Variants in NRP1 observed in about 807,000 individuals in gnomAD.
The protein encoded by NRP1 is neuropilin-1.
Under a neutral mutation model 106.7 loss-of-function variants are expected in NRP1, and 35 were observed. The ratio of observed to expected loss-of-function variants is 0.33; its 90% CI spans 0.25 to 0.43. The LOEUF is 0.43. Ranked by LOEUF, NRP1 falls within the 20% of genes least tolerant of loss-of-function variation. NRP1 has a pLI of 1.00. For synonymous variants in NRP1, 437 were observed against 417.9 expected (o/e 1.05, Z -0.56); for missense variants, 1,024 against 1,170.4 (o/e 0.87, Z 1.83).
chr10:33,257,366 G>A (rs11594606), intron 4 of NRP1, among the ~76,000 whole-genome samples: 20,199 of 152,190 alleles, frequency 0.13, 1,405 homozygotes, highest in South Asian at 0.16. Flanking sequence ...GCTGAGTGCG[G>A]TGGCTCACTC....
At chr10:33,277,520 G>T (rs1843793331) in intron 2 of NRP1, among the ~76,000 whole-genome samples, 1 of 152,254 alleles carries the variant, frequency 6.6e-6, no homozygotes, top group South Asian at 2.1e-4. Context: ...CAGCCTGAGT[G>T]GCAATGCCCA....
chr10:33,241,131 C>G (rs536954808), intron 6 of NRP1, among the ~76,000 whole-genome samples: 1 of 152,174 alleles, frequency 6.6e-6, no homozygotes, highest in African/African-American at 2.4e-5. Flanking sequence ...CAGCCTAGGG[C>G]AGGAGAAAGG....
chr10:33,268,993 C>A (rs1381995929), intron 3 of NRP1, among the ~76,000 whole-genome samples: 1 of 152,218 alleles, frequency 6.6e-6, no homozygotes, highest in African/African-American at 2.4e-5. Context: ...GGATCCCCAA[C>A]AACTCCCCTT....
intron 11 of NRP1, 138 bp from the exon 12 acceptor site, chr10:33,197,847 G>A: frequency 2.3e-6 from 1 of 442,854 alleles, no homozygotes. Context: ...GATAGCAATT[G>A]TTTCCCTTCA....
chr10:33,188,643 G>A (rs1254580366), intron 13 of NRP1, among the ~76,000 whole-genome samples: 1 of 151,924 alleles, frequency 6.6e-6, no homozygotes, highest in African/African-American at 2.4e-5. Context: ...TTGGGAAGCC[G>A]AGGTGGCTGA....
At chr10:33,248,064 G>T (rs918956649) in intron 6 of NRP1, among the ~76,000 whole-genome samples, 4 of 152,160 alleles carry the variant, frequency 2.6e-5, no homozygotes, top group African/African-American at 9.7e-5. Context: ...GAGGCAAGCA[G>T]ATCACTTGAG....
chr10:33,183,335 TAAA>T (rs1292348818), intron 15 of NRP1, among the ~76,000 whole-genome samples: 1 of 131,570 alleles, frequency 7.6e-6, no homozygotes, highest in Non-Finnish European at 1.6e-5. Context: ...ACAACAAATT[TAAA>T]AAAAAAAAAA....
intron 3 of NRP1, among the ~76,000 whole-genome samples, chr10:33,265,899 A>G (rs1811948636): frequency 6.6e-6 from 1 of 152,196 alleles, no homozygotes; most frequent in Non-Finnish European, 1.5e-5. Flanking sequence ...GATGACAGCG[A>G]CTATGCTAAT....
chr10:33,191,148 A>G (rs1836383138), intron 13 of NRP1, among the ~76,000 whole-genome samples: 1 of 152,186 alleles, frequency 6.6e-6, no homozygotes, highest in African/African-American at 2.4e-5. Flanking sequence ...GTGAGCCACC[A>G]CGTCCAGTCT....
chr10:33,302,724 G>A lies in NRP1; in HGVS notation c.248+27984C>T, dbSNP rs185119771. 2.4e-3 allele frequency among the ~76,000 whole-genome samples: 364 copies of A among 152,264 alleles called. 1 individual carries two copies. The highest frequency in any genetic ancestry group is 4.1e-3 in the Non-Finnish European group (278 of 68,018). The stretch of plus-strand genomic sequence containing the variant: ...TGGTTAGCAGCCAGGGAGGGTGAGC[G>A]AAGCAAACATCAGTTCAGAATATGA... On this transcript the variant is annotated intron_variant, in intron 2 of 16. Transcript: ENST00000374867.
At chr10:33,299,664 T>C (rs1157273095) in intron 2 of NRP1, among the ~76,000 whole-genome samples, 2 of 152,170 alleles carry the variant, frequency 1.3e-5, no homozygotes, top group African/African-American at 2.4e-5. Context: ...CACGCACTTG[T>C]GGTCCCAGCT....
intron 8 of NRP1, among the ~76,000 whole-genome samples, chr10:33,219,615 A>T (rs969974704): frequency 2.0e-5 from 3 of 152,230 alleles, no homozygotes; most frequent in Non-Finnish European, 4.4e-5. Flanking sequence ...AACTATTTTT[A>T]AAAATTGAAC....
chr10:33,266,964 G>A (rs1318073157), intron 3 of NRP1, among the ~76,000 whole-genome samples: 2 of 152,100 alleles, frequency 1.3e-5, no homozygotes, highest in Non-Finnish European at 2.9e-5. Context: ...CCCGGGAGGC[G>A]GAGATTGCAG....
chr10:33,304,107 A>C (rs890630576), intron 2 of NRP1, among the ~76,000 whole-genome samples: 1 of 152,226 alleles, frequency 6.6e-6, no homozygotes, highest in African/African-American at 2.4e-5. Flanking sequence ...GAAATAACTC[A>C]ATGTCATTTG....
At chr10:33,313,408 T>A (rs989174759) in intron 2 of NRP1, among the ~76,000 whole-genome samples, 4 of 152,132 alleles carry the variant, frequency 2.6e-5, no homozygotes, top group African/African-American at 9.7e-5. Flanking sequence ...CAGCCTCAGC[T>A]GTCAGAAAAG....
chr10:33,182,612 G>T (rs1452061872), intron 16 of NRP1, 86 bp downstream of exon 16: 1 of 887,522 alleles, frequency 1.1e-6, no homozygotes, highest in Non-Finnish European at 1.8e-6. Context: ...ACATACCAGT[G>T]TATTAGAGTT....
chr10:33,222,953 A>G (rs910365389), intron 7 of NRP1, among the ~76,000 whole-genome samples: 7 of 152,204 alleles, frequency 4.6e-5, no homozygotes, highest in Admixed American at 6.5e-5. Flanking sequence ...TTCTCCAGTA[A>G]GATCTCTGAG....
chr10:33,206,744 A>C (rs1837817536), intron 10 of NRP1, among the ~76,000 whole-genome samples: 1 of 152,238 alleles, frequency 6.6e-6, no homozygotes, highest in East Asian at 1.9e-4. Flanking sequence ...TTACTCAGTT[A>C]TGCCCAAATC....
intron 8 of NRP1, among the ~76,000 whole-genome samples, chr10:33,217,258 G>T (rs1170874033): frequency 2.0e-5 from 3 of 152,032 alleles, no homozygotes; most frequent in Non-Finnish European, 4.4e-5. Context: ...TTTCTCTAAT[G>T]CAGACTCGGC....
Sources: allele counts gnomAD v4.1 joint callset (sites outside exome capture counted in the v4.1 genomes callset), GRCh38; gene constraint gnomAD v4.1.1; transcripts MANE v1.5; gene names NCBI Gene and HGNC (gene_info 2026-07-23, HGNC 2026-07-21).